Variants in ZFP14 observed in about 807,000 individuals in gnomAD.
ZFP14 encodes the protein ZFP14 zinc finger protein, also known as zinc finger protein 14 homolog.
ZFP14 carries 22 observed loss-of-function variants against 54.5 expected under a neutral mutation model. That is an observed-to-expected ratio of 0.40 (90% CI 0.29 to 0.58). ZFP14 has a LOEUF of 0.58. Ranked by LOEUF, ZFP14 falls within the 20% of genes least tolerant of loss-of-function variation. The probability of loss-of-function intolerance (pLI) is 0.39; values close to 1 mark genes in which losing one functional copy is unlikely to be tolerated. For missense variants in ZFP14, 470 were observed against 637.8 expected (o/e 0.74, Z 2.83); for synonymous variants, 159 against 204.0 (o/e 0.78, Z 1.88).
intron 2 of ZFP14, among the ~76,000 whole-genome samples, chr19:36,363,983 C>T (rs560360060): frequency 1.3e-4 from 19 of 149,532 alleles, no homozygotes; most frequent in African/African-American, 3.9e-4. Context: ...GAGTAAGACT[C>T]GGTCTCAAAA....
intron 1 of ZFP14, among the ~76,000 whole-genome samples, chr19:36,372,322 A>G (rs1202939685): frequency 3.3e-5 from 5 of 151,924 alleles, no homozygotes; most frequent in African/African-American, 1.2e-4. Flanking sequence ...TTTTTTGAAA[A>G]AAGAAAAAAC....
In ZFP14 at chr19:36,341,568, G is replaced by C. The variant is rs767604058; in HGVS notation, c.258C>G (p.Thr86=). 3.8e-6 allele frequency: 6 copies of C among 1,579,658 alleles called. No homozygotes were observed. In the East Asian group the frequency reaches 1.1e-4, roughly 30 times the overall value. Residue 86 remains threonine, a synonymous_variant, in exon 5 of 5, where the codon ACC becomes ACG. Transcript: ENST00000270001. This position sits in a 1 kb window ranked among gnomAD's most constrained non-coding sequence, Gnocchi z 4.2. The part of the protein sequence containing the change: ...YCPDLESRYR[T]NTLSPEKDIY... ...TGTCCTTTTCTGGAGATAAAGTATT[G>C]GTCCTGTATCTGGACTCCAAATCTG...
At chr19:36,365,376 T>C (rs1172395860) in intron 2 of ZFP14, among the ~76,000 whole-genome samples, 1 of 152,184 alleles carries the variant, frequency 6.6e-6, no homozygotes, top group Non-Finnish European at 1.5e-5. Context: ...TTTTCTTCAA[T>C]ACTTTTCCAA....
chr19:36,367,786 G>A (rs1485541904), intron 2 of ZFP14, 98 bp downstream of exon 2: 5 of 1,418,948 alleles, frequency 3.5e-6, no homozygotes, highest in African/African-American at 1.4e-5. Context: ...CTTGGATGAA[G>A]CTCTGGTAAG....
At chr19:36,347,346 A>G (rs1600069338) in intron 4 of ZFP14, among the ~76,000 whole-genome samples, 1 of 152,348 alleles carries the variant, frequency 6.6e-6, no homozygotes, top group South Asian at 2.1e-4. Context: ...GCAATGGCTC[A>G]CGTCTGTAAT....
intron 2 of ZFP14, among the ~76,000 whole-genome samples, chr19:36,362,543 G>A (rs1346739741): frequency 6.6e-6 from 1 of 152,046 alleles, no homozygotes; most frequent in African/African-American, 2.4e-5. Context: ...CAAGCCTTTT[G>A]AATACTATGT....
chr19:36,347,190 C>A (rs2031431926), intron 4 of ZFP14, among the ~76,000 whole-genome samples: 1 of 152,112 alleles, frequency 6.6e-6, no homozygotes, highest in South Asian at 2.1e-4. Context: ...TGTCAGCTTG[C>A]AAGTAGGGTG....
intron 1 of ZFP14, among the ~76,000 whole-genome samples, chr19:36,376,173 T>G (rs1289184772): frequency 6.6e-6 from 1 of 152,174 alleles, no homozygotes; most frequent in Non-Finnish European, 1.5e-5. Context: ...AGATACTACA[T>G]ATAAGGCACT....
intron 4 of ZFP14, among the ~76,000 whole-genome samples, chr19:36,346,794 T>C (rs2031423956): frequency 6.6e-6 from 1 of 152,194 alleles, no homozygotes. Context: ...GCAGAAGCAC[T>C]ACCTACCTTT....
In ZFP14 at chr19:36,367,485, GTTC is replaced by G. The variant is rs1187904890; in HGVS notation, c.9+396_9+398del. ...ACAGGAGGGAAAAGAACTGGAGTAGGTTCTTTTTTTTTTGAGATGGTGTCTTGC... is the reference window on the plus strand; with the variant it reads ...ACAGGAGGGAAAAGAACTGGAGTAGGTTTTTTTTTTGAGATGGTGTCTTGC... On this transcript the variant is annotated intron_variant, in intron 2 of 4. Transcript: ENST00000270001. 1.3e-5 allele frequency among the ~76,000 whole-genome samples: 2 copies of G among 151,928 alleles called. 1 individual carries two copies. Among genetic ancestry groups the G allele is most frequent in the African/African-American group, 4.8e-5 (2 of 41,384 alleles).
At chr19:36,345,959 G>GA (rs2031405806) in intron 4 of ZFP14, among the ~76,000 whole-genome samples, 1 of 152,070 alleles carries the variant, frequency 6.6e-6, no homozygotes, top group African/African-American at 2.4e-5. Flanking sequence ...AATGAAAGCA[G>GA]AATTTCATTA....
At chr19:36,361,541 T>C (rs920074476) in intron 3 of ZFP14, among the ~76,000 whole-genome samples, 1 of 151,852 alleles carries the variant, frequency 6.6e-6, no homozygotes, top group Non-Finnish European at 1.5e-5. Context: ...TGCCTGACCT[T>C]GAGGTTTTTT....
rs567797645 is a variant in ZFP14 at position 36,339,731 on chromosome 19, C to T, written c.*493G>A. ...CCCCAGTTGAGCCTTCAGATGAGAC[C>T]TCAGCCCTGGCTGAAATCTGTAGCC... is the stretch of plus-strand genomic sequence containing the variant. On this transcript the variant is annotated 3_prime_UTR_variant, in exon 5 of 5. Transcript: ENST00000270001. 1.3e-5 allele frequency: 2 copies of T among 153,668 alleles called. No homozygotes were observed. The highest frequency in any genetic ancestry group is 4.1e-4 in the South Asian group (2 of 4,904). 9.5% of individuals were successfully genotyped at this position (153,668 alleles called of 1,614,324 possible).
At chr19:36,357,048 A>T (rs1199286254) in intron 4 of ZFP14, among the ~76,000 whole-genome samples, 1 of 151,898 alleles carries the variant, frequency 6.6e-6, no homozygotes, top group African/African-American at 2.4e-5. Flanking sequence ...TTAATTTTTT[A>T]TTTATTTATT....
chr19:36,378,006 CT>C (rs1276932707), intron 1 of ZFP14: 1 of 152,242 alleles, frequency 6.6e-6, no homozygotes, highest in Non-Finnish European at 1.5e-5. Flanking sequence ...TGAAGATTAA[CT>C]GGAACAAGCC....
At chr19:36,344,664 G>A (rs1045572782) in intron 4 of ZFP14, among the ~76,000 whole-genome samples, 10 of 152,200 alleles carry the variant, frequency 6.6e-5, no homozygotes, top group South Asian at 4.1e-4. Context: ...GCCTGAGCTC[G>A]GCCTCCTGTC....
chr19:36,359,178 C>T (rs951847364), intron 4 of ZFP14, among the ~76,000 whole-genome samples: 3 of 152,102 alleles, frequency 2.0e-5, no homozygotes, highest in Non-Finnish European at 2.9e-5. Flanking sequence ...AATGATCATA[C>T]GGTCTTTCAT....
At chr19:36,342,008 C>T (rs534919702) in intron 4 of ZFP14, among the ~76,000 whole-genome samples, 18 of 151,640 alleles carry the variant, frequency 1.2e-4, no homozygotes, top group South Asian at 6.3e-4. Flanking sequence ...CCTGCCACCA[C>T]GCCCGGCTAA....
At chr19:36,363,894 G>A (rs1479337888) in intron 2 of ZFP14, among the ~76,000 whole-genome samples, 1 of 151,984 alleles carries the variant, frequency 6.6e-6, no homozygotes, top group East Asian at 1.9e-4. Flanking sequence ...GGAGGCTGAC[G>A]CAGTAGAATC....
Sources: allele counts gnomAD v4.1 joint callset (sites outside exome capture counted in the v4.1 genomes callset), GRCh38; gene constraint gnomAD v4.1.1; non-coding constraint Gnocchi (gnomAD v3.1); transcripts MANE v1.5; gene names NCBI Gene and HGNC (gene_info 2026-07-23, HGNC 2026-07-21).